ZNF469: variants seen among roughly 807,000 people sequenced by gnomAD.
ZNF469 encodes zinc finger protein 469.
Under a neutral mutation model 1.0 loss-of-function variants are expected in ZNF469, and 1 was observed. That is an observed-to-expected ratio of 1.00 (90% CI 0.35 to 4.73). The LOEUF is 4.73. ZNF469 is among the 30% of genes most tolerant of loss of function. The pLI, the probability that ZNF469 is intolerant of heterozygous loss-of-function variation, is 0.16. For missense variants in ZNF469, 6,100 were observed against 5,356.3 expected, an observed-to-expected ratio of 1.14 and a Z score of -4.33; for synonymous variants, 2,703 against 2,363.4, an observed-to-expected ratio of 1.14 and a Z score of -4.17.
chr16:88,111,316 A>G, the ZNF469 span, among the ~76,000 whole-genome samples: 1 of 152,198 alleles, frequency 6.6e-6, no homozygotes, highest in Non-Finnish European at 1.5e-5. Context: ...ATGTTTTGAC[A>G]CAAGCATGCA....
In ZNF469 at chr16:88,427,895, T is replaced by C. The variant is rs1567508778; in HGVS notation, c.425T>C (p.Leu142Pro). The C allele has an allele frequency of 4.5e-6, 7 of 1,549,682 alleles. No homozygotes were observed. The highest frequency in any genetic ancestry group is 6.1e-6 in the Non-Finnish European group (7 of 1,146,824). ...GACGAGACACCAGAGAACCCACAGC[T>C]GGAGGCTGCCCAGCTCCCTGAGGTG... is the stretch of plus-strand genomic sequence containing the variant. ...TLDETPENPQ[L>P]EAAQLPEVDT... The change falls in exon 3 of 3, where the codon CTG (leucine) becomes CCG (proline). Residue 142 changes from leucine (L) to proline (P), a missense_variant. Transcript: ENST00000565624.
the ZNF469 span, among the ~76,000 whole-genome samples, chr16:88,202,126 CT>C: frequency 6.6e-6 from 1 of 152,206 alleles, no homozygotes; most frequent in African/African-American, 2.4e-5. Context: ...GGTTCAGCGT[CT>C]GTGGTGTGAG....
At chr16:88,396,782 C>T (rs34564511) in intron 1 of ZNF469, among the ~76,000 whole-genome samples, 38,128 of 139,620 alleles carry the variant, frequency 0.27, 4,805 homozygotes, top group Non-Finnish European at 0.32. Flanking sequence ...GAAGGGAGGC[C>T]GGGAGGAGAC....
chr16:88,166,940 A>G, the ZNF469 span, among the ~76,000 whole-genome samples: 1 of 151,256 alleles, frequency 6.6e-6, no homozygotes, highest in African/African-American at 2.4e-5. This position sits in a 1 kb window ranked among gnomAD's most constrained non-coding sequence, Gnocchi z 4.5. Context: ...TTGCAACTGT[A>G]GGGGCTGGCG....
the ZNF469 span, among the ~76,000 whole-genome samples, chr16:88,369,154 C>T: frequency 6.6e-6 from 1 of 152,082 alleles, no homozygotes; most frequent in Non-Finnish European, 1.5e-5. Flanking sequence ...CCTTGGGCGC[C>T]ATCCTGAGAT....
At chr16:88,167,403 C>T in the ZNF469 span, among the ~76,000 whole-genome samples, 1 of 152,130 alleles carries the variant, frequency 6.6e-6, no homozygotes, top group African/African-American at 2.4e-5. Context: ...CAGATGGGTC[C>T]CTGCATTGCA....
At chr16:88,338,907 G>T in the ZNF469 span, among the ~76,000 whole-genome samples, 2 of 152,222 alleles carry the variant, frequency 1.3e-5, no homozygotes, top group South Asian at 4.1e-4. Flanking sequence ...TTGGTTTCAG[G>T]CTTCTGTATG....
the ZNF469 span, among the ~76,000 whole-genome samples, chr16:88,142,288 G>A: frequency 6.6e-6 from 1 of 152,258 alleles, no homozygotes; most frequent in African/African-American, 2.4e-5. Flanking sequence ...TGGGCTCTCA[G>A]CCACAGCCCT....
At chr16:88,361,100 A>C in the ZNF469 span, among the ~76,000 whole-genome samples, 1 of 152,212 alleles carries the variant, frequency 6.6e-6, no homozygotes, top group African/African-American at 2.4e-5. Context: ...TATGGGAGAC[A>C]GTGACAGATC....
At chr16:88,356,687 G>A in the ZNF469 span, among the ~76,000 whole-genome samples, 1 of 152,166 alleles carries the variant, frequency 6.6e-6, no homozygotes, top group Non-Finnish European at 1.5e-5. Context: ...AAGGCACCAC[G>A]GAGAAAACCT....
chr16:88,361,595 G>T, the ZNF469 span, among the ~76,000 whole-genome samples: 23 of 151,648 alleles, frequency 1.5e-4, no homozygotes, highest in African/African-American at 5.4e-4. Context: ...TATATGCCCT[G>T]GATACAAGTG....
chr16:88,199,700 C>G, the ZNF469 span, among the ~76,000 whole-genome samples: 2 of 152,232 alleles, frequency 1.3e-5, no homozygotes, highest in Non-Finnish European at 2.9e-5. Flanking sequence ...GACAGAGCCT[C>G]AGGCCAGGTG....
the ZNF469 span, among the ~76,000 whole-genome samples, chr16:88,183,131 G>T: frequency 3.7e-4 from 57 of 152,368 alleles, no homozygotes; most frequent in African/African-American, 1.4e-3. Context: ...CACTAGTCAT[G>T]AGGGAAATTA....
At chr16:88,362,582 T>C in the ZNF469 span, among the ~76,000 whole-genome samples, 2 of 152,248 alleles carry the variant, frequency 1.3e-5, no homozygotes, top group South Asian at 4.1e-4. Flanking sequence ...TACTGTCTTC[T>C]GACTTCTGGT....
the ZNF469 span, among the ~76,000 whole-genome samples, chr16:88,324,076 T>C: frequency 0.11 from 16,795 of 152,114 alleles, 1,026 homozygotes; most frequent in South Asian, 0.22. Context: ...TGGGCTGGGG[T>C]GAGATCCGCC....
intron 1 of ZNF469, among the ~76,000 whole-genome samples, chr16:88,386,772 G>A (rs2092537548): frequency 6.6e-6 from 1 of 152,196 alleles, no homozygotes; most frequent in Admixed American, 6.5e-5. Flanking sequence ...TGATGGAGCT[G>A]ACCTGCTACA....
At chr16:88,284,784 C>T in the ZNF469 span, among the ~76,000 whole-genome samples, 1 of 152,170 alleles carries the variant, frequency 6.6e-6, no homozygotes, top group East Asian at 1.9e-4. Context: ...TGCAGGAGGG[C>T]GATGGGGCCT....
At chr16:88,283,794 C>G in the ZNF469 span, among the ~76,000 whole-genome samples, 1 of 151,718 alleles carries the variant, frequency 6.6e-6, no homozygotes, top group Non-Finnish European at 1.5e-5. Flanking sequence ...GCTGGTAGAC[C>G]CCCAGTGTGC....
the ZNF469 span, among the ~76,000 whole-genome samples, chr16:88,238,748 C>T: frequency 2.6e-5 from 4 of 152,256 alleles, no homozygotes; most frequent in Admixed American, 6.5e-5. Context: ...GGGCAGAGCC[C>T]GGAACCTGAC....
Sources: gnomAD v4.1 joint callset for allele counts (sites outside exome capture counted in the v4.1 genomes callset) on GRCh38, gnomAD v4.1.1 for gene constraint, Gnocchi (gnomAD v3.1) non-coding constraint, MANE v1.5 for transcripts, NCBI Gene and HGNC (gene_info 2026-07-23, HGNC 2026-07-21) for gene names.